The following TMEM117 variants were observed in gnomAD, a reference collection of about 807,000 sequenced individuals.
The protein encoded by TMEM117 is transmembrane protein 117.
Under a neutral mutation model 52.4 loss-of-function variants are expected in TMEM117, and 27 were observed. The observed-to-expected ratio is 0.51, with a 90% CI of 0.38 to 0.71. The LOEUF (loss-of-function observed/expected upper bound fraction) is 0.71. TMEM117 is among the 30% of genes least tolerant of loss of function. The probability of loss-of-function intolerance (pLI) is 0.00; values close to 1 mark genes in which losing one functional copy is unlikely to be tolerated. For synonymous variants in TMEM117, 215 were observed against 206.3 expected (o/e 1.04, Z -0.36); for missense variants, 556 against 630.5 (o/e 0.88, Z 1.26).
chr12:44,245,694 T>G (rs59118688), intron 5 of TMEM117, among the ~76,000 whole-genome samples: 30,728 of 151,772 alleles, frequency 0.2, 6,563 homozygotes, highest in African/African-American at 0.54. Context: ...TTCTTTCAAT[T>G]TACTTATTTA....
intron 4 of TMEM117, among the ~76,000 whole-genome samples, chr12:44,203,570 C>T (rs1300286549): frequency 6.6e-6 from 1 of 152,064 alleles, no homozygotes; most frequent in African/African-American, 2.4e-5. Context: ...ATCCTTTTAA[C>T]TTGATGTAGG....
chr12:44,388,162 C>T lies in TMEM117; in HGVS notation c.1035C>T (p.Asp345=). ...GGCAGAAGATATATACAGTGAAAGA[C>T]TCAGAAAGTTTAAAAGATTTGAACA... ...GPGQKIYTVK[D]SESLKDLNRT... Residue 345 remains aspartate, a synonymous_variant, in exon 8 of 8, where the codon GAC becomes GAT. Transcript: ENST00000266534. 6.2e-7 allele frequency: 1 copy of T among 1,613,148 alleles called. No individual in the cohort carries two copies. The highest frequency in any genetic ancestry group is 8.5e-7 in the Non-Finnish European group (1 of 1,179,570).
At chr12:43,799,309 T>A in the TMEM117 span, 3 of 821,990 alleles carry the variant, frequency 3.6e-6, no homozygotes, top group Non-Finnish European at 5.6e-6. Flanking sequence ...ACTTCTTTAA[T>A]CTCTAGTTAT....
At chr12:43,949,805 A>C (rs918228977) in intron 3 of TMEM117, among the ~76,000 whole-genome samples, 3 of 152,164 alleles carry the variant, frequency 2.0e-5, no homozygotes, top group African/African-American at 7.2e-5. Context: ...GGAAGCTTGT[A>C]CTTAAACTGG....
At chr12:44,205,343 C>G (rs1949550916) in intron 4 of TMEM117, among the ~76,000 whole-genome samples, 1 of 152,142 alleles carries the variant, frequency 6.6e-6, no homozygotes, top group Non-Finnish European at 1.5e-5. Flanking sequence ...TTTGCTTCTC[C>G]TTTGCCTTCT....
chr12:43,798,649 C>T, the TMEM117 span: 2 of 1,433,694 alleles, frequency 1.4e-6, no homozygotes, highest in Admixed American at 2.6e-5. Flanking sequence ...ACATAAAAAG[C>T]CCTACTCAAA....
intron 2 of TMEM117, among the ~76,000 whole-genome samples, chr12:43,898,901 A>G (rs975786394): frequency 6.6e-6 from 1 of 152,206 alleles, no homozygotes; most frequent in Non-Finnish European, 1.5e-5. Context: ...GATCTGACAG[A>G]CTTGAGAACT....
At chr12:44,196,103 A>G (rs1949417004) in intron 4 of TMEM117, among the ~76,000 whole-genome samples, 2 of 152,012 alleles carry the variant, frequency 1.3e-5, no homozygotes, top group African/African-American at 4.8e-5. Flanking sequence ...AGAAAAAATA[A>G]AAGAAAGAAT....
At chr12:44,166,876 A>G (rs139900991) in intron 4 of TMEM117, among the ~76,000 whole-genome samples, 1 of 152,360 alleles carries the variant, frequency 6.6e-6, no homozygotes, top group African/African-American at 2.4e-5. Flanking sequence ...ATGAAAATAT[A>G]CCAGTCTCTC....
intron 1 of TMEM117, among the ~76,000 whole-genome samples, chr12:43,842,961 T>C (rs79716923): frequency 0.037 from 5,692 of 152,198 alleles, 261 homozygotes; most frequent in African/African-American, 0.1. Flanking sequence ...GCCTCAGAGA[T>C]TCAGATCAGA....
chr12:44,254,185 A>G (rs1329107106), intron 5 of TMEM117, among the ~76,000 whole-genome samples: 1 of 152,092 alleles, frequency 6.6e-6, no homozygotes, highest in African/African-American at 2.4e-5. Flanking sequence ...AAAAAGATTT[A>G]TATATTGAAC....
chr12:44,314,392 C>T (rs1035475077), intron 6 of TMEM117, among the ~76,000 whole-genome samples: 1 of 152,008 alleles, frequency 6.6e-6, no homozygotes, highest in Non-Finnish European at 1.5e-5. Flanking sequence ...TGTGGTGAAT[C>T]ACATTTATTT....
intron 3 of TMEM117, among the ~76,000 whole-genome samples, chr12:44,046,722 T>C (rs76503573): frequency 0.014 from 2,160 of 152,354 alleles, 15 homozygotes; most frequent in Non-Finnish European, 0.019. Context: ...CTCCTTTTTT[T>C]GTTAAAAACG....
At chr12:44,384,731 A>C (rs73092504) in intron 7 of TMEM117, among the ~76,000 whole-genome samples, 5,017 of 152,208 alleles carry the variant, frequency 0.033, 97 homozygotes, top group Middle Eastern at 0.13. Context: ...CACTTTTAGG[A>C]TATATCTTTG....
downstream of TMEM117, among the ~76,000 whole-genome samples, chr12:44,393,282 C>T (rs866609840): frequency 1.1e-3 from 160 of 151,970 alleles, no homozygotes; most frequent in African/African-American, 3.6e-3. Flanking sequence ...AGAAAGACCA[C>T]GATAATTTAT....
At chr12:44,395,794 G>T in the TMEM117 span, among the ~76,000 whole-genome samples, 2 of 152,302 alleles carry the variant, frequency 1.3e-5, no homozygotes, top group Admixed American at 1.3e-4. Context: ...AATAGACTTG[G>T]AAGTGGCATA....
chr12:43,885,612 A>G (rs1943980237), intron 2 of TMEM117, among the ~76,000 whole-genome samples: 1 of 151,394 alleles, frequency 6.6e-6, no homozygotes, highest in African/African-American at 2.4e-5. Flanking sequence ...GCATAAATAT[A>G]TACTTTATTT....
chr12:43,902,870 T>G (rs1944327248), intron 2 of TMEM117, among the ~76,000 whole-genome samples: 1 of 151,764 alleles, frequency 6.6e-6, no homozygotes, highest in Non-Finnish European at 1.5e-5. Flanking sequence ...AAGAGTAGCT[T>G]AACAAGGACA....
At chr12:43,804,878 T>C in the TMEM117 span, among the ~76,000 whole-genome samples, 6 of 152,248 alleles carry the variant, frequency 3.9e-5, no homozygotes, top group East Asian at 1.9e-4. Flanking sequence ...AATTACAATT[T>C]TGAAAAACTT....
Sources: gnomAD v4.1 joint callset for allele counts (sites outside exome capture counted in the v4.1 genomes callset) on GRCh38, gnomAD v4.1.1 for gene constraint, MANE v1.5 for transcripts, NCBI Gene and HGNC (gene_info 2026-07-23, HGNC 2026-07-21) for gene names.